The following EHMT1 variants were observed in gnomAD, a reference collection of about 807,000 sequenced individuals.
EHMT1 encodes euchromatic histone lysine methyltransferase 1.
EHMT1 carries 15 observed loss-of-function variants against 147.2 expected under a neutral mutation model. The ratio of observed to expected loss-of-function variants is 0.10; its 90% CI spans 0.07 to 0.16. The LOEUF (loss-of-function observed/expected upper bound fraction) is 0.16. Ranked by LOEUF, EHMT1 falls within the 10% of genes least tolerant of loss-of-function variation. EHMT1 has a pLI of 1.00. For missense variants in EHMT1, 1,587 were observed against 1,772.4 expected (o/e 0.90, Z 1.88); for synonymous variants, 795 against 709.6 (o/e 1.12, Z -1.91).
rs1564627978 is a variant in EHMT1 at position 137,716,717 on chromosome 9, A to G, written c.177A>G (p.Glu59=). Residue 59 remains glutamate, a synonymous_variant, in exon 3 of 27, where the codon GAA becomes GAG. Transcript: ENST00000460843. ...ACGGTGAGACCAATGGGTCTTGTGA[A>G]AACAGCGATGCCAGCAGTCATGCAA... is the stretch of plus-strand genomic sequence containing the variant. The part of the protein sequence containing the change: ...AADGETNGSC[E]NSDASSHANA... 3 of 1,611,900 alleles carry G rather than the reference A, an allele frequency of 1.9e-6. No homozygotes were observed. Among genetic ancestry groups the G allele is most frequent in the Non-Finnish European group, 2.5e-6 (3 of 1,178,904 alleles).
chr9:137,746,142 G>T, intron 6 of EHMT1: 1 of 152,410 alleles, frequency 6.6e-6, no homozygotes, highest in Non-Finnish European at 1.5e-5. Flanking sequence ...TGGGGACAGG[G>T]TCTCACTCTG....
chr9:137,823,504 C>A, intron 25 of EHMT1: 1 of 297,170 alleles, frequency 3.4e-6, no homozygotes, highest in Non-Finnish European at 6.7e-6. Flanking sequence ...CTCCGCCTCC[C>A]GGATTCACGC....
At chr9:137,694,647 A>AG (rs772432419) in intron 1 of EHMT1, among the ~76,000 whole-genome samples, 1 of 152,174 alleles carries the variant, frequency 6.6e-6, no homozygotes, top group Non-Finnish European at 1.5e-5. Flanking sequence ...AGAGGCTGTA[A>AG]GTCTCCACAG....
chr9:137,693,303 T>G (rs1449127309), intron 1 of EHMT1, among the ~76,000 whole-genome samples: 4 of 152,126 alleles, frequency 2.6e-5, no homozygotes, highest in Non-Finnish European at 5.9e-5. Flanking sequence ...TTATATTTAT[T>G]AAATATATTG....
intron 12 of EHMT1, 140 bp from the exon 13 acceptor site, chr9:137,777,742 A>G (rs1951064237): frequency 3.8e-6 from 5 of 1,298,982 alleles, no homozygotes; most frequent in Non-Finnish European, 5.5e-6. Flanking sequence ...CTGAATCCTG[A>G]ACCGTTAAAT....
intron 1 of EHMT1, among the ~76,000 whole-genome samples, chr9:137,626,650 T>C (rs1255862940): frequency 1.3e-5 from 2 of 152,164 alleles, no homozygotes; most frequent in East Asian, 3.8e-4. Context: ...AGTGTCTCAT[T>C]GTCTTTGGCC....
chr9:137,696,651 T>C (rs930521065), intron 1 of EHMT1, among the ~76,000 whole-genome samples: 2 of 152,158 alleles, frequency 1.3e-5, no homozygotes, highest in Admixed American at 1.3e-4. Context: ...AAGGCAAACA[T>C]CAAGTTCAAC....
intron 1 of EHMT1, among the ~76,000 whole-genome samples, chr9:137,625,981 G>A (rs1478984788): frequency 1.1e-4 from 17 of 150,058 alleles, no homozygotes; most frequent in African/African-American, 3.7e-4. Context: ...TCAGCCTCTC[G>A]AGTAGCTGGA....
intron 18 of EHMT1, 75 bp downstream of exon 18, chr9:137,801,059 T>C: frequency 9.4e-6 from 13 of 1,385,530 alleles, no homozygotes; most frequent in Non-Finnish European, 1.3e-5. Context: ...GGTTCTTTTC[T>C]CAAAAGCAGA....
chr9:137,808,208 T>C (rs903415114), intron 18 of EHMT1, among the ~76,000 whole-genome samples: 1 of 152,170 alleles, frequency 6.6e-6, no homozygotes, highest in African/African-American at 2.4e-5. Flanking sequence ...TCAACAGGCT[T>C]GTGGCCGCTA....
At chr9:137,737,320 G>A (rs1229567778) in intron 4 of EHMT1, among the ~76,000 whole-genome samples, 1 of 152,232 alleles carries the variant, frequency 6.6e-6, no homozygotes, top group Admixed American at 6.5e-5. Context: ...ATATAGGCCA[G>A]TGGGCTAGAA....
intron 1 of EHMT1, among the ~76,000 whole-genome samples, chr9:137,689,294 G>A (rs756710425): frequency 2.0e-5 from 3 of 152,192 alleles, no homozygotes; most frequent in Non-Finnish European, 4.4e-5. Flanking sequence ...TCCTTCAGGA[G>A]TATTTTTGTG....
At chr9:137,795,853 CAAGAA>C (rs928617291) in intron 16 of EHMT1, among the ~76,000 whole-genome samples, 8 of 151,218 alleles carry the variant, frequency 5.3e-5, no homozygotes, top group African/African-American at 1.9e-4. Context: ...GAGAAAGCAC[CAAGAA>C]AATAAAACAA....
chr9:137,765,425 T>C (rs1165912263), intron 10 of EHMT1, among the ~76,000 whole-genome samples: 1 of 152,224 alleles, frequency 6.6e-6, no homozygotes, highest in African/African-American at 2.4e-5. Flanking sequence ...TTCTCTGTAT[T>C]CAATGTGTGG....
chr9:137,661,765 T>C (rs2134089115), intron 1 of EHMT1, among the ~76,000 whole-genome samples: 1 of 152,110 alleles, frequency 6.6e-6, no homozygotes, highest in African/African-American at 2.4e-5. Context: ...CGTGAGCCAC[T>C]GCACCCGGCT....
intron 6 of EHMT1, among the ~76,000 whole-genome samples, chr9:137,751,041 CA>C (rs1467146191): frequency 6.6e-6 from 1 of 152,186 alleles, no homozygotes; most frequent in Non-Finnish European, 1.5e-5. Flanking sequence ...TATGAAAAAC[CA>C]CTGAACCGTA....
rs1477930903 is a variant in EHMT1 at position 137,814,456 on chromosome 9, C to A, written c.3206C>A (p.Ser1069Tyr). 1.2e-6 allele frequency: 2 copies of A among 1,610,630 alleles called. No individual in the cohort carries two copies. Among genetic ancestry groups the A allele is most frequent in the Non-Finnish European group, 1.7e-6 (2 of 1,180,030 alleles). Residue 1069 changes from serine (S) to tyrosine (Y), a missense_variant, in exon 22 of 27, where the codon TCC (serine) becomes TAC (tyrosine). Physicochemically the swap from Ser to Tyr is moderately radical, Grantham distance 144. Transcript: ENST00000460843. Reference sequence around the variant, plus strand: ...TACTGCGTGTGCATCGACGACTGCTCCTCCAGCAACTGCATGTGCGGCCAG... The same window carrying A: ...TACTGCGTGTGCATCGACGACTGCTACTCCAGCAACTGCATGTGCGGCCAG... ...LQYCVCIDDCSSSNCMCGQLS... is the reference protein window; with the variant it reads ...LQYCVCIDDCYSSNCMCGQLS...
intron 1 of EHMT1, chr9:137,676,628 C>T (rs1005720092): frequency 6.6e-6 from 1 of 152,482 alleles, no homozygotes; most frequent in Admixed American, 6.5e-5. Context: ...GCCCTGCCCC[C>T]GCAAGCCTTT....
chr9:137,686,965 A>G (rs906403177), intron 1 of EHMT1, among the ~76,000 whole-genome samples: 1 of 151,958 alleles, frequency 6.6e-6, no homozygotes, highest in Non-Finnish European at 1.5e-5. Flanking sequence ...TCCTGGCCTC[A>G]TGATCCACCC....
Sources: gnomAD v4.1 joint callset for allele counts (sites outside exome capture counted in the v4.1 genomes callset) on GRCh38, gnomAD v4.1.1 for gene constraint, MANE v1.5 for transcripts, NCBI Gene and HGNC (gene_info 2026-07-23, HGNC 2026-07-21) for gene names.